The following SMARCA4 variants were observed in gnomAD, a reference collection of about 807,000 sequenced individuals.
SMARCA4 encodes the protein SWI/SNF related BAF chromatin remodeling complex subunit ATPase 4.
In SMARCA4, 31 loss-of-function variants were observed where a neutral mutation model predicts 193.9. The observed-to-expected ratio is 0.16, with a 90% CI of 0.12 to 0.22. The LOEUF (loss-of-function observed/expected upper bound fraction) is 0.22, where lower values mean the gene tolerates loss of function less well. SMARCA4 is among the 10% of genes least tolerant of loss of function. The pLI, the probability that SMARCA4 is intolerant of heterozygous loss-of-function variation, is 1.00. For synonymous variants in SMARCA4, 942 were observed against 933.1 expected, an observed-to-expected ratio of 1.01 and a Z score of -0.17; for missense variants, 1,148 against 2,296.0, an observed-to-expected ratio of 0.50 and a Z score of 10.22.
rs775623201 is a variant in SMARCA4 at position 11,058,916 on chromosome 19, T to C, written c.4635+27T>C. 2 of 1,567,904 alleles carry C rather than the reference T, an allele frequency of 1.3e-6. No individual in the cohort carries two copies. The highest frequency in any genetic ancestry group is 1.8e-6 in the Non-Finnish European group (2 of 1,138,692). ...TGAGGGCACCGCTGGGGGTTGGGGA[T>C]GGGCCACTCCCACAGCTGGGCTTTG... On this transcript the variant is annotated intron_variant, in intron 32 of 34. Coordinates refer to ENST00000344626, the MANE Select transcript of SMARCA4 (RefSeq NM_003072.5). The surrounding 1 kb of genome is among the most constrained non-coding windows in gnomAD (Gnocchi z 5.8).
intron 30 of SMARCA4, among the ~76,000 whole-genome samples, chr19:11,053,964 T>C (rs1009566868): frequency 1.3e-5 from 2 of 152,028 alleles, no homozygotes; most frequent in Non-Finnish European, 2.9e-5. Context: ...GTGTTTGCAG[T>C]AGTGCATCCA....
chr19:11,030,984 C>A lies in SMARCA4; in HGVS notation c.3546+91C>A. On this transcript the variant is annotated intron_variant, in intron 25 of 34. Coordinates refer to ENST00000344626, the MANE Select transcript of SMARCA4 (RefSeq NM_003072.5). The surrounding 1 kb of genome is among the most constrained non-coding windows in gnomAD (Gnocchi z 5.5). ...GGCCCTGGCTTGAGGGTCCTCCAGC[C>A]TCCTCCACATTGTCTTGGACCCCAG... 8.3e-7 allele frequency: 1 copy of A among 1,211,292 alleles called. No individual in the cohort carries two copies. Among genetic ancestry groups the A allele is most frequent in the Non-Finnish European group, 1.2e-6 (1 of 845,580 alleles). The allele number at this position is 1,211,292 out of a possible 1,614,324, so 75.0% of individuals were successfully genotyped here. A position where few individuals can be genotyped will look rare whatever the true frequency, so the allele number is the denominator to read the frequency against.
chr19:11,032,121 G>A (rs1176612780), intron 25 of SMARCA4: 1 of 152,410 alleles, frequency 6.6e-6, no homozygotes, highest in African/African-American at 2.4e-5. Flanking sequence ...GCAGCAGGCG[G>A]AAGCTGCACC....
Position 11,030,569 on chromosome 19 carries a change from G to A in SMARCA4, c.3383-161G>A, listed in dbSNP as rs892758112. On this transcript the variant is annotated intron_variant, in intron 24 of 34. Transcript: ENST00000344626. This position sits in a 1 kb window ranked among gnomAD's most constrained non-coding sequence, Gnocchi z 5.5. The stretch of plus-strand genomic sequence containing the variant: ...TGAAACACTGGAAATCCAGTTATTC[G>A]CCAGTGGCCCACAGGCCCGTGTGGA... 1.3e-5 allele frequency among the ~76,000 whole-genome samples: 2 copies of A among 152,240 alleles called. No homozygotes were observed. Among genetic ancestry groups the A allele is most frequent in the African/African-American group, 2.4e-5 (1 of 41,466 alleles).
chr19:11,031,235 C>A lies in SMARCA4; in HGVS notation c.3546+342C>A. 1 of 374,762 alleles carries A rather than the reference C, an allele frequency of 2.7e-6. No homozygotes were observed. The highest frequency in any genetic ancestry group is 5.1e-6 in the Non-Finnish European group (1 of 194,508). 23.2% of individuals were successfully genotyped at this position (374,762 alleles called of 1,614,324 possible). The stretch of plus-strand genomic sequence containing the variant: ...ACTGTGGGGCGGCCCCTGCAGTGTG[C>A]CCTGTGAGCACACACACTGGCGCTT... On this transcript the variant is annotated intron_variant, in intron 25 of 34. Coordinates refer to ENST00000344626, the MANE Select transcript of SMARCA4 (RefSeq NM_003072.5). The surrounding 1 kb of genome is among the most constrained non-coding windows in gnomAD (Gnocchi z 4.3).
intron 1 of SMARCA4, among the ~76,000 whole-genome samples, chr19:10,980,580 G>A (rs1194008126): frequency 6.6e-6 from 1 of 151,684 alleles, no homozygotes; most frequent in Non-Finnish European, 1.5e-5. Context: ...GTTGCAGTGA[G>A]CAGAGATCAT....
intron 6 of SMARCA4, among the ~76,000 whole-genome samples, chr19:10,988,998 C>T (rs1293909964): frequency 6.6e-6 from 1 of 152,220 alleles, no homozygotes; most frequent in Non-Finnish European, 1.5e-5. Context: ...TTCCCACCGC[C>T]CTGCGCCTCA....
chr19:10,985,167 G>A lies in SMARCA4; in HGVS notation c.223-106G>A, dbSNP rs1452351547. 2.3e-5 allele frequency: 27 copies of A among 1,167,460 alleles called. No homozygotes were observed. The highest frequency in any genetic ancestry group is 5.0e-5 in the South Asian group (4 of 80,670). 72.3% of individuals were successfully genotyped at this position (1,167,460 alleles called of 1,614,324 possible). On this transcript the variant is annotated intron_variant, in intron 2 of 34. Transcript: ENST00000344626. This position sits in a 1 kb window ranked among gnomAD's most constrained non-coding sequence, Gnocchi z 4.5. Reference sequence around the variant, plus strand: ...GACTGGGGAGATGCGCGTCATCTTCGGGTGGCTGTTCTCGGTGCCCTCGAG... The same window carrying A: ...GACTGGGGAGATGCGCGTCATCTTCAGGTGGCTGTTCTCGGTGCCCTCGAG...
In SMARCA4 at chr19:11,061,851, G is replaced by A. The variant is rs372990964; in HGVS notation, c.*35G>A. 1.5e-4 allele frequency: 235 copies of A among 1,608,936 alleles called. No homozygotes were observed. The highest frequency in any genetic ancestry group is 1.7e-4 in the Non-Finnish European group (205 of 1,175,474). The stretch of plus-strand genomic sequence containing the variant: ...TTCCAGTCTCGACCCCGAGCCCCTC[G>A]TTCCAGAGCTGAGATGGCATAGGCC... On this transcript the variant is annotated 3_prime_UTR_variant, in exon 35 of 35. Transcript: ENST00000344626.
intron 1 of SMARCA4, chr19:10,961,728 A>G (rs956979150): frequency 1.3e-5 from 2 of 152,226 alleles, no homozygotes; most frequent in African/African-American, 2.4e-5. Flanking sequence ...TTTCAAGGAA[A>G]GGTAAAGGAC....
At chr19:11,026,439 C>A in intron 23 of SMARCA4, 93 bp downstream of exon 23, 2 of 903,510 alleles carry the variant, frequency 2.2e-6, no homozygotes, top group Non-Finnish European at 3.7e-6. Flanking sequence ...TTATGTTGTC[C>A]AATTTCAAAG....
chr19:11,047,159 A>C (rs1372592790), intron 30 of SMARCA4, among the ~76,000 whole-genome samples: 1 of 152,206 alleles, frequency 6.6e-6, no homozygotes, highest in Non-Finnish European at 1.5e-5. Flanking sequence ...TAGGACCCCG[A>C]GAGCCCTAGC....
In SMARCA4 at chr19:11,041,342, G is replaced by A. The variant is rs1555788104; in HGVS notation, c.4206G>A (p.Glu1402=). The A allele has an allele frequency of 3.1e-6, 5 of 1,612,316 alleles. No individual in the cohort carries two copies. The highest frequency in any genetic ancestry group is 4.2e-6 in the Non-Finnish European group (5 of 1,179,998). Reference sequence around the variant, plus strand: ...AGGGCACGCTGGAGGAGATCGAAGAGGAGGTCCGGCAGAAGAAATCATCAC... The same window carrying A: ...AGGGCACGCTGGAGGAGATCGAAGAAGAGGTCCGGCAGAAGAAATCATCAC... ...IEEGTLEEIE[E]EVRQKKSSRK... Residue 1402 remains glutamate (E), a synonymous_variant, in exon 30 of 35, where the codon GAG becomes GAA. Coordinates refer to ENST00000344626, the MANE Select transcript of SMARCA4 (RefSeq NM_003072.5). The surrounding 1 kb of genome is among the most constrained non-coding windows in gnomAD (Gnocchi z 5.6).
intron 11 of SMARCA4, 132 bp from the exon 12 acceptor site, chr19:11,002,897 T>C (rs2146088842): frequency 2.2e-6 from 2 of 913,156 alleles, no homozygotes. Flanking sequence ...TTACGCATTT[T>C]CCCACCACTG....
At chr19:11,053,222 G>A (rs1053091730) in intron 30 of SMARCA4, among the ~76,000 whole-genome samples, 3 of 152,116 alleles carry the variant, frequency 2.0e-5, no homozygotes, top group African/African-American at 7.2e-5. Flanking sequence ...CTAGGCTCAT[G>A]CCTATAATCC....
At chr19:11,009,285 G>A (rs1231719438) in intron 14 of SMARCA4, among the ~76,000 whole-genome samples, 1 of 151,988 alleles carries the variant, frequency 6.6e-6, no homozygotes, top group Admixed American at 6.6e-5. Flanking sequence ...CTCCCAAAGT[G>A]CTGGGATTAC....
rs761338885 is a variant in SMARCA4 at position 11,041,478 on chromosome 19, G to A, written c.4342G>A (p.Ala1448Thr). 2 of 1,613,646 alleles carry A rather than the reference G, an allele frequency of 1.2e-6. No individual in the cohort carries two copies. The highest frequency in any genetic ancestry group is 1.7e-6 in the Non-Finnish European group (2 of 1,179,974). Reference protein sequence around the residue: ...KKQKKRGRPPAEKLSPNPPNL... With the variant: ...KKQKKRGRPPTEKLSPNPPNL... ...GCAGAAGAAGCGCGGGCGGCCGCCT[G>A]CCGAGAAACTCTCCCCTAACCCACC... Residue 1448 changes from alanine (A) to threonine (T), a missense_variant, in exon 30 of 35, where the codon GCC (alanine) becomes ACC (threonine). By Grantham distance (58) the Ala-to-Thr change is moderately conservative. This residue lies in a region of SMARCA4 where 141 missense variants were observed against 193.0 expected (regional missense o/e 0.73). Transcript: ENST00000344626. This position sits in a 1 kb window ranked among gnomAD's most constrained non-coding sequence, Gnocchi z 5.6.
rs1555755191 is a variant in SMARCA4, at chr19:10,987,853, G to C, written c.1047G>C (p.Gln349His). The C allele has an allele frequency of 6.2e-7, 1 of 1,612,390 alleles. No homozygotes were observed. The highest frequency in any genetic ancestry group is 8.5e-7 in the Non-Finnish European group (1 of 1,179,684). Reference sequence around the variant, plus strand: ...CCATGGTGCCACTGCACCAGAAGCAGAGCCGCATCACCCCCATCCAGAAGC... The same window carrying C: ...CCATGGTGCCACTGCACCAGAAGCACAGCCGCATCACCCCCATCCAGAAGC... ...PAPMVPLHQK[Q>H]SRITPIQKPR... The change falls in exon 6 of 35, where the codon CAG becomes CAC. Residue 349 changes from glutamine (Q) to histidine (H), a missense_variant. Transcript: ENST00000344626. The surrounding 1 kb of genome is among the most constrained non-coding windows in gnomAD (Gnocchi z 5.3).
chr19:11,049,578 T>C (rs1181576592), intron 30 of SMARCA4, among the ~76,000 whole-genome samples: 1 of 149,950 alleles, frequency 6.7e-6, no homozygotes, highest in African/African-American at 2.5e-5. Flanking sequence ...TCTGCCTCCC[T>C]CCCTGGGTTC....
Sources: gnomAD v4.1 joint callset for allele counts (sites outside exome capture counted in the v4.1 genomes callset) on GRCh38, gnomAD v4.1.1 for gene constraint, gnomAD v4.1.1 regional missense constraint, Gnocchi (gnomAD v3.1) non-coding constraint, MANE v1.5 for transcripts, NCBI Gene and HGNC (gene_info 2026-07-23, HGNC 2026-07-21) for gene names.